SNTG1: variants seen among roughly 807,000 people sequenced by gnomAD.
SNTG1 encodes the protein gamma-1-syntrophin.
Under a neutral mutation model 74.7 loss-of-function variants are expected in SNTG1, and 39 were observed. That is an observed-to-expected ratio of 0.52 (90% CI 0.40 to 0.68). The LOEUF (loss-of-function observed/expected upper bound fraction) is 0.68, where lower values mean the gene tolerates loss of function less well. Among genes scored for constraint, SNTG1 ranks in the 30% least tolerant of loss-of-function variants. The pLI is 0.00. For missense variants in SNTG1, 685 were observed against 609.5 expected, an observed-to-expected ratio of 1.12 and a Z score of -1.30; for synonymous variants, 254 against 217.1, an observed-to-expected ratio of 1.17 and a Z score of -1.49.
intron 17 of SNTG1, among the ~76,000 whole-genome samples, chr8:50,709,690 T>C (rs7831359): frequency 0.23 from 34,944 of 152,110 alleles, 4,218 homozygotes; most frequent in Middle Eastern, 0.32. Context: ...GCTCAACTGA[T>C]CCCCATTCAA....
chr8:50,553,239 G>A, intron 12 of SNTG1, 60 bp downstream of exon 12: 3 of 1,595,128 alleles, frequency 1.9e-6, no homozygotes, highest in South Asian at 1.1e-5. Flanking sequence ...AAATCCTTCA[G>A]TATATATGTA....
intron 2 of SNTG1, among the ~76,000 whole-genome samples, chr8:50,387,822 G>T (rs1362912774): frequency 6.6e-6 from 1 of 152,088 alleles, no homozygotes; most frequent in African/African-American, 2.4e-5. Context: ...AAAGAGGGTT[G>T]GTGGGGTTGG....
intron 1 of SNTG1, among the ~76,000 whole-genome samples, chr8:49,975,294 G>A (rs565802973): frequency 5.3e-5 from 8 of 152,056 alleles, no homozygotes; most frequent in Admixed American, 6.6e-5. Flanking sequence ...TTTACCTATA[G>A]TAGTGCTGGA....
intron 8 of SNTG1, among the ~76,000 whole-genome samples, chr8:50,468,080 C>A (rs181301125): frequency 1.2e-3 from 174 of 150,840 alleles, no homozygotes; most frequent in African/African-American, 3.9e-3. Context: ...TATAAATTTT[C>A]CATATAAGCT....
At chr8:50,462,135 A>C (rs2093568809) in intron 8 of SNTG1, among the ~76,000 whole-genome samples, 1 of 152,120 alleles carries the variant, frequency 6.6e-6, no homozygotes, top group African/African-American at 2.4e-5. Context: ...GTACCCCTAA[A>C]ACTATTGAAG....
At chr8:50,737,069 G>T (rs2095530706) in intron 17 of SNTG1, among the ~76,000 whole-genome samples, 2 of 151,832 alleles carry the variant, frequency 1.3e-5, no homozygotes. Flanking sequence ...AATCAGAGCA[G>T]AAATGAAGGA....
chr8:50,128,565 A>G (rs2081217573), intron 1 of SNTG1, among the ~76,000 whole-genome samples: 1 of 152,130 alleles, frequency 6.6e-6, no homozygotes, highest in African/African-American at 2.4e-5. Flanking sequence ...ATTGTTCCCA[A>G]TACTTCATCC....
intron 18 of SNTG1, among the ~76,000 whole-genome samples, chr8:50,787,832 C>T (rs968864615): frequency 2.0e-5 from 3 of 151,910 alleles, no homozygotes; most frequent in Admixed American, 2.0e-4. Context: ...GCTTATCAGG[C>T]TCTGAAGAGA....
intron 9 of SNTG1, among the ~76,000 whole-genome samples, chr8:50,524,231 A>ACTT (rs2130213908): frequency 6.6e-6 from 1 of 152,154 alleles, no homozygotes; most frequent in Non-Finnish European, 1.5e-5. Flanking sequence ...CACAGATCTT[A>ACTT]CTTCTTTACA....
chr8:50,259,262 G>T (rs565648448), intron 2 of SNTG1, among the ~76,000 whole-genome samples: 27 of 152,140 alleles, frequency 1.8e-4, no homozygotes, highest in African/African-American at 5.8e-4. Flanking sequence ...AGTTTGAGAG[G>T]CTGAGGCATG....
rs931382253 is a variant in SNTG1 at position 50,536,719 on chromosome 8, G to C, written c.591G>C (p.Leu197Phe). The change falls in exon 11 of 19, where the codon TTG becomes TTC. Residue 197 changes from leucine to phenylalanine, a missense_variant. By Grantham distance (22) the Leu-to-Phe change is conservative. Transcript: ENST00000642720. ...SCSSWPTSPG[L>F]RWEKRWCDLR... ...CGTCGTGGCCGACGTCTCCAGGCTT[G>C]AGGTGGGAGAAGCGATGGTGCGACC... 1 of 1,613,996 alleles carries C rather than the reference G, an allele frequency of 6.2e-7. No individual in the cohort carries two copies. The highest frequency in any genetic ancestry group is 8.5e-7 in the Non-Finnish European group (1 of 1,179,870).
At chr8:50,023,614 C>T (rs1021202) in intron 1 of SNTG1, among the ~76,000 whole-genome samples, 124,047 of 151,974 alleles carry the variant, frequency 0.82, 50,813 homozygotes, top group East Asian at 0.95. Context: ...TAGTAGGCTG[C>T]TAAGGATGAT....
intron 1 of SNTG1, among the ~76,000 whole-genome samples, chr8:49,924,119 TA>T (rs758779491): frequency 2.8e-4 from 43 of 152,320 alleles, no homozygotes; most frequent in South Asian, 1.4e-3. Context: ...GCTAGCCCAG[TA>T]CAATTTTAGA....
chr8:50,487,028 T>C (rs2093801766), intron 8 of SNTG1, among the ~76,000 whole-genome samples: 1 of 152,218 alleles, frequency 6.6e-6, no homozygotes, highest in African/African-American at 2.4e-5. Context: ...ATAAGCTTTT[T>C]GATGTGCTGC....
At chr8:50,728,511 A>G (rs1045256525) in intron 17 of SNTG1, among the ~76,000 whole-genome samples, 7 of 152,140 alleles carry the variant, frequency 4.6e-5, no homozygotes, top group South Asian at 2.1e-4. Context: ...TGGGGTGAAA[A>G]GAGCCCAATA....
intron 1 of SNTG1, among the ~76,000 whole-genome samples, chr8:50,010,823 G>T (rs1266080178): frequency 6.8e-6 from 1 of 148,132 alleles, no homozygotes. Context: ...AGGTGGAGGG[G>T]GAAGAGGAGG....
rs1307063440 is a variant in SNTG1 at position 50,328,478 on chromosome 8, A to G, written c.-27-65734A>G. Among the ~76,000 whole-genome samples, 3 of 152,186 alleles carry G rather than the reference A, an allele frequency of 2.0e-5. No homozygotes were observed. The East Asian group carries it at 5.8e-4, about 29-fold the overall frequency. ...GCTGGGAGGCCTCAGGAAACTTACA[A>G]TGGTGGAAGGGGAAAGAGAAGCAAA... On this transcript the variant is annotated intron_variant, in intron 2 of 18. Transcript: ENST00000642720.
At chr8:50,475,542 T>C (rs1370372193) in intron 8 of SNTG1, among the ~76,000 whole-genome samples, 2 of 152,144 alleles carry the variant, frequency 1.3e-5, no homozygotes, top group East Asian at 3.9e-4. Context: ...CATTTCCGTG[T>C]GTTCCTTCGC....
intron 6 of SNTG1, among the ~76,000 whole-genome samples, chr8:50,450,138 T>C (rs903631326): frequency 1.3e-5 from 2 of 152,264 alleles, no homozygotes; most frequent in African/African-American, 4.8e-5. Context: ...AATGGAGATA[T>C]AAAGCAGATG....
Sources: allele counts gnomAD v4.1 joint callset (sites outside exome capture counted in the v4.1 genomes callset), GRCh38; gene constraint gnomAD v4.1.1; transcripts MANE v1.5; gene names NCBI Gene and HGNC (gene_info 2026-07-23, HGNC 2026-07-21).